Variants in PEAK1 observed in about 807,000 individuals in gnomAD.
PEAK1 encodes the protein inactive tyrosine-protein kinase PEAK1.
A neutral mutation model predicts 124.7 loss-of-function variants in PEAK1; 54 were observed. The ratio of observed to expected loss-of-function variants is 0.43; its 90% confidence interval spans 0.35 to 0.54. PEAK1 has a LOEUF of 0.54. Among genes scored for constraint, PEAK1 ranks in the 20% least tolerant of loss-of-function variants. PEAK1 has a pLI of 0.01. For synonymous variants in PEAK1, 719 were observed against 760.0 expected (o/e 0.95, Z 0.89); for missense variants, 2,046 against 2,134.5 (o/e 0.96, Z 0.82).
chr15:77,357,005 G>A (rs1369610669), intron 2 of PEAK1, among the ~76,000 whole-genome samples: 1 of 152,200 alleles, frequency 6.6e-6, no homozygotes, highest in Non-Finnish European at 1.5e-5. Context: ...AGTGGCTCAC[G>A]CCTATAATCC....
chr15:77,203,095 G>T (rs1244222574), intron 6 of PEAK1, among the ~76,000 whole-genome samples: 1 of 151,790 alleles, frequency 6.6e-6, no homozygotes, highest in East Asian at 1.9e-4. Context: ...TTAAGTGAAA[G>T]TGGATCATTG....
intron 8 of PEAK1, among the ~76,000 whole-genome samples, chr15:77,149,416 C>T (rs1050318667): frequency 1.8e-4 from 27 of 152,126 alleles, no homozygotes; most frequent in Admixed American, 1.7e-3. Context: ...AAAGCCATTG[C>T]GTTAGGAGGT....
chr15:77,413,880 G>T (rs1426163844), intron 1 of PEAK1, among the ~76,000 whole-genome samples: 1 of 152,196 alleles, frequency 6.6e-6, no homozygotes, highest in East Asian at 1.9e-4. Context: ...CTGGGGTGCA[G>T]TGGTGCAATC....
intron 6 of PEAK1, among the ~76,000 whole-genome samples, chr15:77,188,821 T>C (rs138658725): frequency 6.6e-6 from 1 of 152,266 alleles, no homozygotes; most frequent in African/African-American, 2.4e-5. Flanking sequence ...TTGGAATACA[T>C]TGGATACTAA....
chr15:77,203,229 G>C (rs1170695858), intron 6 of PEAK1, among the ~76,000 whole-genome samples: 1 of 151,914 alleles, frequency 6.6e-6, no homozygotes, highest in African/African-American at 2.4e-5. Flanking sequence ...GGACGTAAGA[G>C]AGGCAGGCAC....
At chr15:77,190,864 G>A (rs1362310653) in intron 6 of PEAK1, among the ~76,000 whole-genome samples, 2 of 152,158 alleles carry the variant, frequency 1.3e-5, no homozygotes, top group Non-Finnish European at 2.9e-5. Context: ...ACAGTAAGCA[G>A]CAATTTAGTT....
intron 7 of PEAK1, among the ~76,000 whole-genome samples, chr15:77,175,735 C>T (rs1232196411): frequency 2.0e-5 from 3 of 152,190 alleles, no homozygotes; most frequent in Admixed American, 6.5e-5. Context: ...CCATTTAACC[C>T]AGCCATCCCA....
chr15:77,420,047 C>A lies in PEAK1; in HGVS notation c.-707G>T, dbSNP rs2073256236. 6.7e-6 allele frequency: 1 copy of A among 150,158 alleles called. No individual in the cohort carries two copies. Among genetic ancestry groups the A allele is most frequent in the African/African-American group, 2.4e-5 (1 of 41,188 alleles). 9.3% of individuals were successfully genotyped at this position (150,158 alleles called of 1,614,324 possible). A position where few individuals can be genotyped will look rare whatever the true frequency, so the allele number is the denominator to read the frequency against. ...CCGCCGCGGCGACCACCATCACCGT[C>A]CGTCCCGTCCCCTTCCTGGTGACCA... On this transcript the variant is annotated 5_prime_UTR_variant, in exon 1 of 10. Transcript: ENST00000682557.
intron 6 of PEAK1, among the ~76,000 whole-genome samples, chr15:77,235,560 A>G (rs989230976): frequency 7.9e-5 from 12 of 152,204 alleles, no homozygotes; most frequent in African/African-American, 2.9e-4. Context: ...GAAGAAGCAG[A>G]GCATAAAGGT....
At chr15:77,313,897 AGAG>A (rs969831315) in intron 2 of PEAK1, among the ~76,000 whole-genome samples, 22 of 151,632 alleles carry the variant, frequency 1.5e-4, no homozygotes, top group Non-Finnish European at 2.7e-4. Context: ...GTCCTTTTAA[AGAG>A]TAGTATATGG....
intron 1 of PEAK1, among the ~76,000 whole-genome samples, chr15:77,413,998 T>C (rs919378982): frequency 2.0e-5 from 3 of 152,074 alleles, no homozygotes; most frequent in East Asian, 1.9e-4. Context: ...TAATTTATTA[T>C]AGTTTTTAGA....
At chr15:77,337,529 A>G in intron 2 of PEAK1, 1 of 985,160 alleles carries the variant, frequency 1.0e-6, no homozygotes, top group Non-Finnish European at 1.2e-6. Context: ...AAAATACCAA[A>G]CAGAAGATAA....
chr15:77,335,474 G>A (rs1268440559), intron 2 of PEAK1: 6 of 985,056 alleles, frequency 6.1e-6, no homozygotes, highest in Non-Finnish European at 7.2e-6. Context: ...TATACATCAC[G>A]TTGATGCTTA....
rs1423854084 is a variant in PEAK1 at position 77,336,217 on chromosome 15, C to T, written c.-603+28946G>A. On this transcript the variant is annotated intron_variant, in intron 2 of 9. Transcript: ENST00000682557. The stretch of plus-strand genomic sequence containing the variant: ...TCAGGGGCAGAGAATCAGCCTCATT[C>T]ATGTTTGCATTCCAAGAACCACAAT... The T allele has an allele frequency of 1.8e-5, 18 of 985,406 alleles. No individual in the cohort carries two copies. The African/African-American group carries it at 2.6e-4, about 14-fold the overall frequency. 61.0% of individuals were successfully genotyped at this position (985,406 alleles called of 1,614,324 possible).
upstream of PEAK1, chr15:77,420,611 C>T (rs1024742656): frequency 2.3e-5 from 8 of 346,228 alleles, no homozygotes; most frequent in African/African-American, 1.3e-4. Context: ...CTACTTTCTG[C>T]GGGCCTTCGC....
intron 2 of PEAK1, among the ~76,000 whole-genome samples, chr15:77,296,260 A>C (rs570605297): frequency 3.3e-5 from 5 of 152,310 alleles, no homozygotes; most frequent in African/African-American, 1.2e-4. Context: ...TGATTATATG[A>C]ATATTGAATT....
chr15:77,256,147 A>G (rs2152930521), intron 5 of PEAK1, among the ~76,000 whole-genome samples: 1 of 152,280 alleles, frequency 6.6e-6, no homozygotes, highest in South Asian at 2.1e-4. Context: ...CTAATTTGGG[A>G]ACATTAATAA....
chr15:77,251,097 A>G (rs2060860211), intron 6 of PEAK1, among the ~76,000 whole-genome samples: 1 of 152,172 alleles, frequency 6.6e-6, no homozygotes. Context: ...AGACATAGTG[A>G]CTCAAGCAAA....
chr15:77,128,082 A>G (rs990955615), intron 9 of PEAK1, among the ~76,000 whole-genome samples: 11 of 131,484 alleles, frequency 8.4e-5, no homozygotes, highest in African/African-American at 2.7e-4. Context: ...CCATCTCAAG[A>G]AAAAAAAAAA....
Sources: gnomAD v4.1 joint callset for allele counts (sites outside exome capture counted in the v4.1 genomes callset) on GRCh38, gnomAD v4.1.1 for gene constraint, MANE v1.5 for transcripts, NCBI Gene and HGNC (gene_info 2026-07-23, HGNC 2026-07-21) for gene names.